The following SLC24A2 variants were observed in gnomAD, a reference collection of about 807,000 sequenced individuals.
SLC24A2 encodes the protein solute carrier family 24 member 2.
Under a neutral mutation model 62.0 loss-of-function variants are expected in SLC24A2, and 36 were observed. That is an observed-to-expected ratio of 0.58 (90% CI 0.44 to 0.77). The LOEUF is 0.77. Ranked by LOEUF, SLC24A2 falls within the 30% of genes least tolerant of loss-of-function variation. The pLI is 0.00. For synonymous variants in SLC24A2, 358 were observed against 294.0 expected (o/e 1.22, Z -2.23); for missense variants, 846 against 817.9 (o/e 1.03, Z -0.42).
the SLC24A2 span, among the ~76,000 whole-genome samples, chr9:20,037,119 A>G: frequency 6.6e-6 from 1 of 151,888 alleles, no homozygotes; most frequent in African/African-American, 2.4e-5. Flanking sequence ...GCTGGTCTTG[A>G]ACTCCTGACC....
At chr9:19,584,273 T>TAAAAA (rs5896848) in intron 5 of SLC24A2, among the ~76,000 whole-genome samples, 135 of 119,754 alleles carry the variant, frequency 1.1e-3, no homozygotes, top group African/African-American at 1.4e-3. Context: ...TAGCAAATAG[T>TAAAAA]AAAAAAAAAA....
chr9:20,017,306 A>G, the SLC24A2 span, among the ~76,000 whole-genome samples: 1 of 152,202 alleles, frequency 6.6e-6, no homozygotes, highest in Non-Finnish European at 1.5e-5. Flanking sequence ...TGCAGGTGTG[A>G]GCCACCACGC....
Position 19,545,054 on chromosome 9 carries a change from C to T in SLC24A2, c.1479+5083G>A, listed in dbSNP as rs144916060. On this transcript the variant is annotated intron_variant, in intron 8 of 10. Coordinates refer to ENST00000341998, the MANE Select transcript of SLC24A2 (RefSeq NM_020344.4). The stretch of plus-strand genomic sequence containing the variant: ...TTGGTTCCATTCTCTCCATCACTTT[C>T]AGGTACACCAATCAGAGGTGGATTT... Among the ~76,000 whole-genome samples, 91 of 152,278 alleles carry T rather than the reference C, an allele frequency of 6.0e-4. No homozygotes were observed. The East Asian group carries it at 0.015, about 25-fold the overall frequency.
chr9:19,812,343 C>A, the SLC24A2 span, among the ~76,000 whole-genome samples: 1 of 151,846 alleles, frequency 6.6e-6, no homozygotes, highest in African/African-American at 2.4e-5. Flanking sequence ...ATTGTACATT[C>A]TTCTAAATTT....
At chr9:19,619,818 G>C (rs1408471392) in intron 3 of SLC24A2, 126 bp from the exon 4 acceptor site, 2 of 745,706 alleles carry the variant, frequency 2.7e-6, no homozygotes, top group Non-Finnish European at 4.8e-6. Flanking sequence ...TTGAGCCAAA[G>C]ATTTTCAAAG....
At chr9:20,064,606 T>A in the SLC24A2 span, among the ~76,000 whole-genome samples, 1 of 152,314 alleles carries the variant, frequency 6.6e-6, no homozygotes, top group African/African-American at 2.4e-5. Context: ...GCTCTTCAAA[T>A]CAGTTATTTC....
At chr9:20,004,338 GT>G in the SLC24A2 span, among the ~76,000 whole-genome samples, 3,317 of 152,280 alleles carry the variant, frequency 0.022, 133 homozygotes, top group African/African-American at 0.075. Flanking sequence ...TGACCACTCT[GT>G]TGGTCAGGCT....
At chr9:19,855,506 T>A in the SLC24A2 span, among the ~76,000 whole-genome samples, 1 of 152,216 alleles carries the variant, frequency 6.6e-6, no homozygotes, top group Non-Finnish European at 1.5e-5. Flanking sequence ...TCCCTCAGCA[T>A]TTGCTTGTCT....
chr9:20,120,435 A>T, the SLC24A2 span, among the ~76,000 whole-genome samples: 140 of 152,244 alleles, frequency 9.2e-4, no homozygotes, highest in Non-Finnish European at 1.8e-3. Flanking sequence ...CCATTATCCT[A>T]AGTGAATTAA....
the SLC24A2 span, among the ~76,000 whole-genome samples, chr9:20,264,712 T>A: frequency 6.6e-6 from 1 of 152,186 alleles, no homozygotes; most frequent in Non-Finnish European, 1.5e-5. Context: ...TGTGGTAAAA[T>A]ATAGGTGCTT....
chr9:20,083,817 G>T, the SLC24A2 span, among the ~76,000 whole-genome samples: 1 of 152,186 alleles, frequency 6.6e-6, no homozygotes, highest in Non-Finnish European at 1.5e-5. Flanking sequence ...TGCTAATGCA[G>T]GGCTCTACTG....
At chr9:19,974,643 T>C in the SLC24A2 span, among the ~76,000 whole-genome samples, 1 of 152,148 alleles carries the variant, frequency 6.6e-6, no homozygotes, top group Non-Finnish European at 1.5e-5. Flanking sequence ...GAACACCATA[T>C]AGGATTAGTT....
intron 9 of SLC24A2, among the ~76,000 whole-genome samples, chr9:19,522,525 G>A (rs1018131579): frequency 2.0e-5 from 3 of 152,146 alleles, no homozygotes; most frequent in African/African-American, 7.2e-5. Flanking sequence ...ATTTTTATAA[G>A]AAATAGTATG....
At chr9:20,126,215 G>GA in the SLC24A2 span, among the ~76,000 whole-genome samples, 2 of 152,118 alleles carry the variant, frequency 1.3e-5, no homozygotes, top group African/African-American at 4.8e-5. Context: ...TAGTATGTGT[G>GA]AAAACATATC....
At position 19,516,429 on chromosome 9, in the gene SLC24A2, G is replaced by A. The variant is rs772862857; in HGVS notation, c.1737-27C>T. 5.0e-6 allele frequency: 8 copies of A among 1,612,082 alleles called. No homozygotes were observed. The South Asian group carries it at 8.8e-5, about 18-fold the overall frequency. On this transcript the variant is annotated intron_variant, in intron 10 of 10. Coordinates refer to ENST00000341998, the MANE Select transcript of SLC24A2 (RefSeq NM_020344.4). Reference sequence around the variant, plus strand: ...TGTGCAGAAGTGAAGCAGGGCAGAGGGGAGTGGGAAGACAAGGGAGTAGTC... The same window carrying A: ...TGTGCAGAAGTGAAGCAGGGCAGAGAGGAGTGGGAAGACAAGGGAGTAGTC...
chr9:20,072,281 G>C, the SLC24A2 span, among the ~76,000 whole-genome samples: 3 of 152,130 alleles, frequency 2.0e-5, no homozygotes, highest in African/African-American at 7.2e-5. Flanking sequence ...TTCCTCCAGA[G>C]TATGGGGCAG....
At chr9:20,144,286 T>G in the SLC24A2 span, among the ~76,000 whole-genome samples, 1 of 152,188 alleles carries the variant, frequency 6.6e-6, no homozygotes, top group African/African-American at 2.4e-5. Context: ...ACAATAATTT[T>G]TTTATGTCTT....
intron 2 of SLC24A2, among the ~76,000 whole-genome samples, chr9:19,714,266 T>A (rs1587203621): frequency 6.6e-6 from 1 of 152,220 alleles, no homozygotes; most frequent in East Asian, 1.9e-4. Flanking sequence ...AGTCTCAGAA[T>A]TAGGACCCCA....
the SLC24A2 span, among the ~76,000 whole-genome samples, chr9:20,063,163 A>C: frequency 6.8e-6 from 1 of 146,522 alleles, no homozygotes; most frequent in Admixed American, 7.0e-5. Context: ...AAGGACTATA[A>C]ATCATGCTGC....
Sources: gnomAD v4.1 joint callset for allele counts (sites outside exome capture counted in the v4.1 genomes callset) on GRCh38, gnomAD v4.1.1 for gene constraint, MANE v1.5 for transcripts, NCBI Gene and HGNC (gene_info 2026-07-23, HGNC 2026-07-21) for gene names.